BIRC6: variants seen among roughly 807,000 people sequenced by gnomAD.
BIRC6 encodes baculoviral IAP repeat containing 6.
Under a neutral mutation model 503.3 loss-of-function variants are expected in BIRC6, and 98 were observed. That is an observed-to-expected ratio of 0.19 (90% CI 0.17 to 0.23). BIRC6 has a LOEUF of 0.23. Ranked by LOEUF, BIRC6 falls within the 10% of genes least tolerant of loss-of-function variation. BIRC6 has a pLI of 1.00. For synonymous variants in BIRC6, 2,240 were observed against 2,078.7 expected (o/e 1.08, Z -2.11); for missense variants, 5,360 against 5,806.0 (o/e 0.92, Z 2.50).
At chr2:32,485,786 A>G (rs1224337379) in intron 40 of BIRC6, 27 bp downstream of exon 40, 2 of 1,371,638 alleles carry the variant, frequency 1.5e-6, no homozygotes, top group South Asian at 1.2e-5. Flanking sequence ...TTTTTAGAGT[A>G]TTGCAGTGAA....
intron 68 of BIRC6, 57 bp from the exon 69 acceptor site, chr2:32,597,694 T>C (rs2061765232): frequency 7.7e-6 from 10 of 1,297,204 alleles, no homozygotes; most frequent in Non-Finnish European, 7.7e-6. Flanking sequence ...GTTTGTGATT[T>C]TTGTCATTAT....
Position 32,436,106 on chromosome 2 carries a change from C to T in BIRC6, c.3553C>T (p.Pro1185Ser). 6.7e-7 allele frequency: 1 copy of T among 1,497,618 alleles called. No individual in the cohort carries two copies. Among genetic ancestry groups the T allele is most frequent in the Non-Finnish European group, 9.0e-7 (1 of 1,109,340 alleles). The allele number at this position is 1,497,618 out of a possible 1,614,324, so 92.8% of individuals were successfully genotyped here. A position where few individuals can be genotyped will look rare whatever the true frequency, so the allele number is the denominator to read the frequency against. Residue 1185 changes from proline to serine, a missense_variant, in exon 15 of 74, where the codon CCA becomes TCA. This residue lies in a region of BIRC6 where 2,299 missense variants were observed against 2,267.2 expected (regional missense o/e 1.01). Transcript: ENST00000421745. The stretch of plus-strand genomic sequence containing the variant: ...TCATAAAGAAGACATTCTATGTGGG[C>T]CAGTATGGCTTGCTAGTGGCCTTGA... The part of the protein sequence containing the change: ...EDHKEDILCG[P>S]VWLASGLDLS...
chr2:32,360,276 G>A (rs2033850301), intron 1 of BIRC6, among the ~76,000 whole-genome samples: 1 of 152,126 alleles, frequency 6.6e-6, no homozygotes, highest in Non-Finnish European at 1.5e-5. Context: ...TGTATTGAGT[G>A]GCAAAGACAG....
At chr2:32,462,120 G>A (rs894475779) in intron 23 of BIRC6, among the ~76,000 whole-genome samples, 1 of 151,824 alleles carries the variant, frequency 6.6e-6, no homozygotes, top group Non-Finnish European at 1.5e-5. Context: ...GTGAATTGTA[G>A]TTATTCTTTA....
chr2:32,397,623 T>C (rs1418955378), intron 6 of BIRC6, among the ~76,000 whole-genome samples: 35 of 145,938 alleles, frequency 2.4e-4, no homozygotes, highest in Admixed American at 8.4e-4. Context: ...TGTGTATATA[T>C]ATATATGTAT....
At chr2:32,418,178 G>C (rs2150065108) in intron 10 of BIRC6, among the ~76,000 whole-genome samples, 1 of 152,306 alleles carries the variant, frequency 6.6e-6, no homozygotes, top group African/African-American at 2.4e-5. Flanking sequence ...GTGTAGTCTA[G>C]TAACTTTAGA....
intron 72 of BIRC6, 108 bp from the exon 73 acceptor site, chr2:32,611,340 T>A (rs1289287263): frequency 1.1e-4 from 70 of 625,838 alleles, no homozygotes; most frequent in Non-Finnish European, 2.3e-6. Flanking sequence ...ATAGAATAAA[T>A]TATTTAAATG....
intron 26 of BIRC6, among the ~76,000 whole-genome samples, 160 bp from the exon 27 acceptor site, chr2:32,467,365 A>G (rs1443219056): frequency 6.6e-6 from 1 of 152,204 alleles, no homozygotes; most frequent in Non-Finnish European, 1.5e-5. Flanking sequence ...AAAATTTTTG[A>G]ATCAATTGAC....
chr2:32,378,784 C>T (rs941657403), intron 2 of BIRC6, among the ~76,000 whole-genome samples: 1 of 152,168 alleles, frequency 6.6e-6, no homozygotes, highest in Admixed American at 6.5e-5. Context: ...TGCTATGCAT[C>T]ATGTCTTTCA....
chr2:32,579,020 A>ATATG (rs1302762461), intron 66 of BIRC6, among the ~76,000 whole-genome samples: 1 of 136,898 alleles, frequency 7.3e-6, no homozygotes, highest in Non-Finnish European at 1.5e-5. Context: ...CCTAATATAT[A>ATATG]TATACCTAAT....
intron 61 of BIRC6, among the ~76,000 whole-genome samples, chr2:32,538,618 TAGA>T (rs2057420867): frequency 2.0e-5 from 3 of 152,218 alleles, no homozygotes; most frequent in South Asian, 2.1e-4. Context: ...CAAGAGTTGA[TAGA>T]AGATCTCATC....
intron 61 of BIRC6, among the ~76,000 whole-genome samples, chr2:32,532,410 G>C (rs2056857591): frequency 6.6e-6 from 1 of 151,956 alleles, no homozygotes; most frequent in Admixed American, 6.6e-5. Context: ...CTGTTCATTG[G>C]TTTGTAGCTG....
intron 55 of BIRC6, among the ~76,000 whole-genome samples, chr2:32,516,700 A>G (rs1161845954): frequency 1.3e-5 from 2 of 151,926 alleles, no homozygotes; most frequent in Non-Finnish European, 2.9e-5. Flanking sequence ...ATTATTTATC[A>G]TAATAAATTA....
At chr2:32,467,775 C>G (rs942045824) in intron 27 of BIRC6, 36 bp downstream of exon 27, 2 of 1,551,022 alleles carry the variant, frequency 1.3e-6, no homozygotes, top group Admixed American at 1.9e-5. Context: ...GATACGCTTT[C>G]TATGTTTCTG....
At chr2:32,528,383 C>T (rs550636780) in intron 59 of BIRC6, 2 of 152,322 alleles carry the variant, frequency 1.3e-5, no homozygotes, top group Non-Finnish European at 2.9e-5. Context: ...ACCACCACGC[C>T]TGGCTAATTT....
At chr2:32,413,999 G>A (rs1402241799) in intron 9 of BIRC6, among the ~76,000 whole-genome samples, 2 of 152,130 alleles carry the variant, frequency 1.3e-5, no homozygotes, top group African/African-American at 4.8e-5. Flanking sequence ...TTTAAAAAAA[G>A]AAAGTTTTCC....
intron 61 of BIRC6, among the ~76,000 whole-genome samples, chr2:32,538,735 AGCCT>A (rs2057432082): frequency 6.6e-6 from 1 of 152,236 alleles, no homozygotes; most frequent in Non-Finnish European, 1.5e-5. Context: ...GTTCAAGACC[AGCCT>A]GGCCAACATG....
intron 73 of BIRC6, among the ~76,000 whole-genome samples, chr2:32,613,195 GT>G (rs1452078087): frequency 6.7e-6 from 1 of 148,332 alleles, no homozygotes; most frequent in African/African-American, 2.5e-5. Context: ...TGGTTTGTTT[GT>G]TTGTTTGTTT....
chr2:32,436,886 CTTTT>C (rs35067044), intron 15 of BIRC6, among the ~76,000 whole-genome samples: 50 of 90,060 alleles, frequency 5.6e-4, no homozygotes, highest in African/African-American at 1.4e-3. Context: ...TTTGTTTTTT[CTTTT>C]TTTTTTTTTT....
Sources: gnomAD v4.1 joint callset for allele counts (sites outside exome capture counted in the v4.1 genomes callset) on GRCh38, gnomAD v4.1.1 for gene constraint, gnomAD v4.1.1 regional missense constraint, MANE v1.5 for transcripts, NCBI Gene and HGNC (gene_info 2026-07-23, HGNC 2026-07-21) for gene names.